Variants in ACAN observed in about 807,000 individuals in gnomAD.
ACAN encodes the protein aggrecan core protein.
Under a neutral mutation model 169.1 loss-of-function variants are expected in ACAN, and 47 were observed. That is an observed-to-expected ratio of 0.28 (90% CI 0.22 to 0.35). The LOEUF (loss-of-function observed/expected upper bound fraction) is 0.35, where lower values mean the gene tolerates loss of function less well. Among genes scored for constraint, ACAN ranks in the 10% least tolerant of loss-of-function variants. The pLI is 1.00. For missense variants in ACAN, 2,716 were observed against 2,759.9 expected (o/e 0.98, Z 0.36); for synonymous variants, 1,115 against 1,112.2 (o/e 1.00, Z -0.05).
Position 88,839,093 on chromosome 15 carries a change from A to G in ACAN, c.454+47A>G, listed in dbSNP as rs1356013661. 1 of 1,587,072 alleles carries G rather than the reference A, an allele frequency of 6.3e-7. No individual in the cohort carries two copies. The highest frequency in any genetic ancestry group is 1.7e-5 in the Admixed American group (1 of 59,558). On this transcript the variant is annotated intron_variant, in intron 3 of 18. Coordinates refer to ENST00000560601, the MANE Select transcript of ACAN (RefSeq NM_001369268.1). The surrounding 1 kb of genome is among the most constrained non-coding windows in gnomAD (Gnocchi z 4.5). ...AGACGCTGCTTCACCCACATAAAGAACCAGAGCAGTCTCCGCAGTGCAGGC... is the reference window on the plus strand; with the variant it reads ...AGACGCTGCTTCACCCACATAAAGAGCCAGAGCAGTCTCCGCAGTGCAGGC...
chr15:88,823,560 G>C (rs1380588821), intron 1 of ACAN, among the ~76,000 whole-genome samples: 3 of 152,168 alleles, frequency 2.0e-5, no homozygotes, highest in Non-Finnish European at 4.4e-5. Flanking sequence ...GGAGGGGTAA[G>C]AATCGTGGGA....
In ACAN at chr15:88,859,362, T is replaced by C. The variant is rs1897145638; in HGVS notation, c.6777T>C (p.Asp2259=). Residue 2259 remains aspartate (D), a synonymous_variant, in exon 12 of 19, where the codon GAT becomes GAC. Transcript: ENST00000560601. The part of the protein sequence containing the change: ...HTVETATSPT[D]ASIPASPEWK... ...TCGAAACAGCCACCTCCCCAACAGA[T>C]GCTTCCATCCCAGCTTCTCCGGAAT... The C allele has an allele frequency of 6.3e-7, 1 of 1,591,412 alleles. No individual in the cohort carries two copies. The highest frequency in any genetic ancestry group is 8.6e-7 in the Non-Finnish European group (1 of 1,168,790).
intron 2 of ACAN, among the ~76,000 whole-genome samples, chr15:88,836,866 G>A (rs1375267074): frequency 6.6e-6 from 1 of 152,228 alleles, no homozygotes; most frequent in Non-Finnish European, 1.5e-5. Context: ...ACCCCAGAAG[G>A]GAAGGTATGT....
At chr15:88,808,018 G>A (rs1398504730) in intron 1 of ACAN, among the ~76,000 whole-genome samples, 1 of 151,476 alleles carries the variant, frequency 6.6e-6, no homozygotes. Flanking sequence ...TTCTGTGTAG[G>A]TCACTATTTT....
At chr15:88,805,326 G>GT (rs1331145758) in intron 1 of ACAN, among the ~76,000 whole-genome samples, 1 of 152,180 alleles carries the variant, frequency 6.6e-6, no homozygotes, top group Non-Finnish European at 1.5e-5. Context: ...CCTGAAGCTC[G>GT]TTGGGGGAGG....
At position 88,874,699 on chromosome 15, in the gene ACAN, C is replaced by T; in HGVS notation, c.*218C>T. On this transcript the variant is annotated 3_prime_UTR_variant, in exon 19 of 19. Coordinates refer to ENST00000560601, the MANE Select transcript of ACAN (RefSeq NM_001369268.1). The surrounding 1 kb of genome is among the most constrained non-coding windows in gnomAD (Gnocchi z 7.3). ...TTGTCCGCCGAATGCCAAAGCAAAG[C>T]AAACTTATTATAACCCTTGGACTGA... 1 of 648,900 alleles carries T rather than the reference C, an allele frequency of 1.5e-6. No homozygotes were observed. Among genetic ancestry groups the T allele is most frequent in the Non-Finnish European group, 2.8e-6 (1 of 354,620 alleles). 40.2% of individuals were successfully genotyped at this position (648,900 alleles called of 1,614,324 possible).
intron 6 of ACAN, among the ~76,000 whole-genome samples, chr15:88,845,145 T>G (rs1308162739): frequency 6.6e-6 from 1 of 152,220 alleles, no homozygotes; most frequent in Non-Finnish European, 1.5e-5. Flanking sequence ...TCCTGTTGGA[T>G]AGTTACAGCA....
At chr15:88,808,044 G>C (rs1895729776) in intron 1 of ACAN, among the ~76,000 whole-genome samples, 1 of 151,762 alleles carries the variant, frequency 6.6e-6, no homozygotes, top group Non-Finnish European at 1.5e-5. Flanking sequence ...ATGTGGGGGC[G>C]GGGGTGCCTG....
intron 1 of ACAN, among the ~76,000 whole-genome samples, chr15:88,830,043 A>G (rs1896320671): frequency 6.8e-6 from 1 of 147,684 alleles, no homozygotes; most frequent in Non-Finnish European, 1.5e-5. Context: ...GGAGGCCTGC[A>G]GGATCTGGGA....
chr15:88,859,515 A>G, intron 12 of ACAN, 98 bp downstream of exon 12: 1 of 1,498,714 alleles, frequency 6.7e-7, no homozygotes, highest in Non-Finnish European at 9.1e-7. Flanking sequence ...GGTTCCAAGA[A>G]CAACTCCACC....
chr15:88,836,763 C>A (rs746730721), intron 2 of ACAN, among the ~76,000 whole-genome samples: 2 of 152,230 alleles, frequency 1.3e-5, no homozygotes, highest in Non-Finnish European at 2.9e-5. Context: ...GAAGCCCCAG[C>A]CTGGTCTCGT....
chr15:88,852,116 T>G (rs916504052), intron 11 of ACAN, 83 bp downstream of exon 11: 129 of 1,495,688 alleles, frequency 8.6e-5, no homozygotes, highest in Non-Finnish European at 1.1e-4. Flanking sequence ...GGCGGGGGGG[T>G]TCCCTCCCTG....
Position 88,866,579 on chromosome 15 carries a change from C to G in ACAN, c.6947-1637C>G, listed in dbSNP as rs144076921. Among the ~76,000 whole-genome samples the G allele has an allele frequency of 4.0e-3, 607 of 152,102 alleles. 32 individuals carry two copies. In the South Asian group the frequency reaches 0.1, roughly 25 times the overall value. ...TGGTTCTAGTCTATGGTGTGCCCCCCCGAGATGAAGTTAAAGACTTCATGG... is the reference window on the plus strand; with the variant it reads ...TGGTTCTAGTCTATGGTGTGCCCCCGCGAGATGAAGTTAAAGACTTCATGG... On this transcript the variant is annotated intron_variant, in intron 13 of 18. Transcript: ENST00000560601. The surrounding 1 kb of genome is among the most constrained non-coding windows in gnomAD (Gnocchi z 5.6).
At chr15:88,804,174 G>C (rs1166539671) in intron 1 of ACAN, among the ~76,000 whole-genome samples, 1 of 152,194 alleles carries the variant, frequency 6.6e-6, no homozygotes, top group Admixed American at 6.5e-5. Flanking sequence ...AGGGAATGTG[G>C]GTTCAAATCC....
chr15:88,859,168 A>G lies in ACAN; in HGVS notation c.6583A>G (p.Arg2195Gly), dbSNP rs755048682. Residue 2195 changes from arginine (R) to glycine (G), a missense_variant, in exon 12 of 19, where the codon AGG becomes GGG. Physicochemically the swap from Arg to Gly is moderately radical, Grantham distance 125. Around this residue, in one of 3 missense-constraint regions of ACAN, gnomAD observed 1,389 missense variants for 1,363.7 expected, o/e 1.02. Transcript: ENST00000560601. ...AGCCACTCCCACGGCTTCTGGAGAC[A>G]GGACTGAAATCAGCGGAGACCTGTC... ...PSATPTASGD[R>G]TEISGDLSGH... The G allele has an allele frequency of 6.2e-7, 1 of 1,613,876 alleles. No homozygotes were observed. The highest frequency in any genetic ancestry group is 1.7e-5 in the Admixed American group (1 of 60,036).
chr15:88,854,496 C>A (rs1474798999), intron 11 of ACAN, among the ~76,000 whole-genome samples: 1 of 152,296 alleles, frequency 6.6e-6, no homozygotes, highest in Non-Finnish European at 1.5e-5. Flanking sequence ...GGTGGGCAGG[C>A]CCCCACATCC....
chr15:88,863,939 A>C (rs1310926483), intron 13 of ACAN, among the ~76,000 whole-genome samples: 10 of 152,250 alleles, frequency 6.6e-5, no homozygotes, highest in Admixed American at 6.5e-4. Context: ...TGGGAGGCCG[A>C]GGCAGGAGGA....
In ACAN at chr15:88,861,756, T is replaced by A. The variant is rs1017567667; in HGVS notation, c.6946+1317T>A. Among the ~76,000 whole-genome samples the A allele has an allele frequency of 1.3e-5, 2 of 152,128 alleles. No individual in the cohort carries two copies. Among genetic ancestry groups the A allele is most frequent in the Admixed American group, 1.3e-4 (2 of 15,268 alleles). On this transcript the variant is annotated intron_variant, in intron 13 of 18. Coordinates refer to ENST00000560601, the MANE Select transcript of ACAN (RefSeq NM_001369268.1). The surrounding 1 kb of genome is among the most constrained non-coding windows in gnomAD (Gnocchi z 6.3). The stretch of plus-strand genomic sequence containing the variant: ...GGTGACTCCACTCTTGGGAAATCCT[T>A]CTTAACCTGATACTTGAGGCAAAAA...
At chr15:88,828,148 G>T (rs1206799139) in intron 1 of ACAN, among the ~76,000 whole-genome samples, 1 of 152,188 alleles carries the variant, frequency 6.6e-6, no homozygotes, top group East Asian at 1.9e-4. Flanking sequence ...CCAGGCGGTG[G>T]CATTTGCATG....
Sources: gnomAD v4.1 joint callset for allele counts (sites outside exome capture counted in the v4.1 genomes callset) on GRCh38, gnomAD v4.1.1 for gene constraint, gnomAD v4.1.1 regional missense constraint, Gnocchi (gnomAD v3.1) non-coding constraint, MANE v1.5 for transcripts, NCBI Gene and HGNC (gene_info 2026-07-23, HGNC 2026-07-21) for gene names.